The following CRIPTO variants were observed in gnomAD, a reference collection of about 807,000 sequenced individuals.
CRIPTO encodes the protein protein Cripto.
chr3:46,581,277 C>T, the CRIPTO span: 684 of 1,547,104 alleles, frequency 4.4e-4, 7 homozygotes, highest in East Asian at 0.015. Context: ...TCCAGAAATA[C>T]AATTTTAGAT....
the CRIPTO span, among the ~76,000 whole-genome samples, chr3:46,577,024 T>G: frequency 6.6e-6 from 1 of 152,124 alleles, no homozygotes; most frequent in African/African-American, 2.4e-5. Flanking sequence ...GGGGCTGAAA[T>G]GGCCTCCCAT....
At chr3:46,580,166 T>C in the CRIPTO span, 65 of 1,478,546 alleles carry the variant, frequency 4.4e-5, no homozygotes, top group Non-Finnish European at 5.9e-5. Flanking sequence ...TGCTAGAGCC[T>C]GGCAGCCAAA....
chr3:46,581,456 T>A, the CRIPTO span: 1,970 of 613,742 alleles, frequency 3.2e-3, 25 homozygotes, highest in African/African-American at 0.032. Context: ...AAAAACTACT[T>A]CTTTTTTCAA....
chr3:46,580,221 C>T, the CRIPTO span: 1 of 904,570 alleles, frequency 1.1e-6, no homozygotes, highest in African/African-American at 1.7e-5. Flanking sequence ...AGATAGTTGC[C>T]TTGGCCTCTT....
the CRIPTO span, chr3:46,582,290 T>C: frequency 6.6e-6 from 1 of 152,244 alleles, no homozygotes. Context: ...GATTGCTTAA[T>C]AAATTGTGTT....
chr3:46,582,105 T>C, the CRIPTO span: 5 of 152,278 alleles, frequency 3.3e-5, no homozygotes. Flanking sequence ...AATGGGTTAC[T>C]TGATTGGTGA....
At chr3:46,581,496 T>TA in the CRIPTO span, 3 of 604,670 alleles carry the variant, frequency 5.0e-6, no homozygotes, top group Non-Finnish European at 8.8e-6. Flanking sequence ...CCATTGTGCC[T>TA]AAGTCCAGTG....
the CRIPTO span, chr3:46,579,249 T>C: frequency 1.9e-6 from 3 of 1,614,182 alleles, no homozygotes; most frequent in South Asian, 3.3e-5. Flanking sequence ...CCATCAGGAA[T>C]TTGCTCGTCC....
chr3:46,579,708 A>G, the CRIPTO span: 2 of 1,608,976 alleles, frequency 1.2e-6, no homozygotes, highest in Non-Finnish European at 1.7e-6. Context: ...TTCCATCCCT[A>G]CACCCTCAGT....
At chr3:46,579,510 A>G in the CRIPTO span, 2 of 1,428,954 alleles carry the variant, frequency 1.4e-6, no homozygotes, top group Non-Finnish European at 2.0e-6. Flanking sequence ...AAGTGAGACA[A>G]GGATTGTGTA....
At chr3:46,579,233 G>T in the CRIPTO span, 1 of 1,614,112 alleles carries the variant, frequency 6.2e-7, no homozygotes, top group South Asian at 1.1e-5. Context: ...GTCGTTAAGG[G>T]CTGGGCCATC....
At chr3:46,578,124 C>A in the CRIPTO span, 1 of 1,068,018 alleles carries the variant, frequency 9.4e-7, no homozygotes, top group Middle Eastern at 2.0e-4. Flanking sequence ...GAGCTGCCAA[C>A]CGCACTGCTG....
the CRIPTO span, among the ~76,000 whole-genome samples, chr3:46,575,133 A>AC: frequency 5.3e-5 from 8 of 152,198 alleles, no homozygotes; most frequent in African/African-American, 1.9e-4. Context: ...AGCAGAGGTG[A>AC]CCAGTGGCCA....
the CRIPTO span, chr3:46,581,061 C>T: frequency 8.7e-7 from 1 of 1,149,298 alleles, no homozygotes; most frequent in Non-Finnish European, 1.3e-6. Flanking sequence ...TATAGATATG[C>T]CACATTTGTG....
chr3:46,579,392 T>C, the CRIPTO span: 1 of 1,614,036 alleles, frequency 6.2e-7, no homozygotes, highest in Non-Finnish European at 8.5e-7. Flanking sequence ...CTTCGATGCT[T>C]CTGCCCTGGC....
chr3:46,578,545 T>C, the CRIPTO span, among the ~76,000 whole-genome samples: 5,348 of 152,038 alleles, frequency 0.035, 211 homozygotes, highest in East Asian at 0.16. Context: ...CCCGTCTCTA[T>C]TAAAAATACA....
At chr3:46,581,638 T>C in the CRIPTO span, 1 of 538,092 alleles carries the variant, frequency 1.9e-6, no homozygotes, top group Non-Finnish European at 3.2e-6. Flanking sequence ...GCCTCCCAAG[T>C]AACTGGGATT....
the CRIPTO span, chr3:46,582,111 G>A: frequency 6.6e-6 from 1 of 152,138 alleles, no homozygotes; most frequent in African/African-American, 2.4e-5. Flanking sequence ...TTACTTGATT[G>A]GTGATTAGGT....
chr3:46,580,637 A>T, the CRIPTO span, among the ~76,000 whole-genome samples: 1 of 152,084 alleles, frequency 6.6e-6, no homozygotes, highest in Admixed American at 6.6e-5. Context: ...GAAGGGCAGC[A>T]CCTGGAGAGG....
Sources: allele counts gnomAD v4.1 joint callset (sites outside exome capture counted in the v4.1 genomes callset), GRCh38; gene constraint gnomAD v4.1.1; transcripts MANE v1.5; gene names NCBI Gene and HGNC (gene_info 2026-07-23, HGNC 2026-07-21).